The following NMRAL1 variants were observed in gnomAD, a reference collection of about 807,000 sequenced individuals.
NMRAL1 encodes the protein nmrA-like family domain-containing protein 1.
In NMRAL1, 32 loss-of-function variants were observed where a neutral mutation model predicts 27.5. That is an observed-to-expected ratio of 1.16 (90% confidence interval 0.88 to 1.56). The LOEUF is 1.56. Among genes scored for constraint, NMRAL1 ranks in the 40% most tolerant of loss-of-function variants. NMRAL1 has a pLI of 0.00. For synonymous variants in NMRAL1, 166 were observed against 166.8 expected (o/e 1.00, Z 0.04); for missense variants, 420 against 392.0 (o/e 1.07, Z -0.60).
rs151279129 is a variant in NMRAL1, at chr16:4,466,167, T to G, written c.515A>C (p.Lys172Thr). Residue 172 changes from lysine (K) to threonine (T), a missense_variant, in exon 4 of 6, where the codon AAG becomes ACG. Lys to Thr is a moderately conservative substitution (Grantham distance 78). Coordinates refer to ENST00000283429, the MANE Select transcript of NMRAL1 (RefSeq NM_020677.6). ...AGGGCACTTACTCAGCAAGTAGCTC[T>G]TTCCGTCTGGGGCTTTCTGGGGCAA... ...HFLPQKAPDG[K>T]SYLLSLPTGD... 1.2e-6 allele frequency: 2 copies of G among 1,614,188 alleles called. No individual in the cohort carries two copies. The highest frequency in any genetic ancestry group is 3.3e-5 in the Admixed American group (2 of 60,006).
chr16:4,462,730 TAGTC>T (rs1204227624), intron 5 of NMRAL1, among the ~76,000 whole-genome samples: 1 of 152,112 alleles, frequency 6.6e-6, no homozygotes, highest in Non-Finnish European at 1.5e-5. Context: ...TTCACCGTGT[TAGTC>T]AGGATGGTCT....
chr16:4,467,136 G>C (rs942650384), intron 3 of NMRAL1: 1 of 152,278 alleles, frequency 6.6e-6, no homozygotes, highest in Non-Finnish European at 1.5e-5. Context: ...GCCATGCGAA[G>C]AGGGAAGCGG....
At position 4,461,948 on chromosome 16, in the gene NMRAL1, C is replaced by G; in HGVS notation, c.732G>C (p.Glu244Asp). ...CGGGAAAGCCAAGCTTTTCGTAGTC[C>G]TCAGGAGTCATCTGGAAGCAGAGGA... is the stretch of plus-strand genomic sequence containing the variant. ...KVVHDAKMTP[E>D]DYEKLGFPGA... Residue 244 changes from glutamate (E) to aspartate (D), a missense_variant, in exon 6 of 6, where the codon GAG becomes GAC. Transcript: ENST00000283429. The G allele has an allele frequency of 6.2e-7, 1 of 1,612,082 alleles. No individual in the cohort carries two copies. The highest frequency in any genetic ancestry group is 8.5e-7 in the Non-Finnish European group (1 of 1,178,954).
At position 4,466,396 on chromosome 16, in the gene NMRAL1, G is replaced by C. The variant is rs762622993; in HGVS notation, c.286C>G (p.Leu96Val). The stretch of plus-strand genomic sequence containing the variant: ...AGGCGCCTGGCCAGATCAGCGAGCA[G>C]CTTCCCCTGGAGGGCAGGGAAGGAG... ...SQEQEVKQGK[L>V]LADLARRLGL... The change falls in exon 4 of 6, where the codon CTG (leucine) becomes GTG (valine). Residue 96 changes from leucine (L) to valine (V), a missense_variant. Leu to Val is a conservative substitution (Grantham distance 32, BLOSUM62 1). Transcript: ENST00000283429. 1 of 1,611,882 alleles carries C rather than the reference G, an allele frequency of 6.2e-7. No homozygotes were observed. The highest frequency in any genetic ancestry group is 1.3e-5 in the African/African-American group (1 of 74,900).
intron 2 of NMRAL1, among the ~76,000 whole-genome samples, chr16:4,472,455 G>A (rs185635470): frequency 0.014 from 2,055 of 151,932 alleles, 27 homozygotes; most frequent in Middle Eastern, 0.044. Context: ...AAATAAAAAA[G>A]TAAAGTTGGC....
intron 3 of NMRAL1, 25 bp downstream of exon 3, chr16:4,469,202 C>T (rs1230643738): frequency 6.4e-7 from 1 of 1,557,432 alleles, no homozygotes; most frequent in Admixed American, 1.7e-5. Flanking sequence ...GGCCGGGCCT[C>T]CCTGCAGCTC....
chr16:4,465,558 T>G lies in NMRAL1; in HGVS notation c.529+595A>C, dbSNP rs140964852. ...TCTCCTCGTCTTTGGTTTTTTTGTT[T>G]TGTTTTGTTTTGTTTTGTTTGTTTT... On this transcript the variant is annotated intron_variant, in intron 4 of 5. Transcript: ENST00000283429. Among the ~76,000 whole-genome samples the G allele has an allele frequency of 1.7e-4, 25 of 151,094 alleles. No individual in the cohort carries two copies. In the East Asian group the frequency reaches 4.6e-3, roughly 28 times the overall value.
rs776866806 is a variant in NMRAL1 at position 4,461,772 on chromosome 16, C to T, written c.*8G>A. 2.6e-5 allele frequency: 41 copies of T among 1,601,916 alleles called. No individual in the cohort carries two copies. Among genetic ancestry groups the T allele is most frequent in the Non-Finnish European group, 3.3e-5 (39 of 1,174,322 alleles). The stretch of plus-strand genomic sequence containing the variant: ...CCGATCCCCACAAGGGGCCGCGAGG[C>T]GGGCAGGTCACAGCAGGTTGAAGTC... On this transcript the variant is annotated 3_prime_UTR_variant, in exon 6 of 6. Coordinates refer to ENST00000283429, the MANE Select transcript of NMRAL1 (RefSeq NM_020677.6).
At chr16:4,468,070 C>T (rs1436614306) in intron 3 of NMRAL1, among the ~76,000 whole-genome samples, 2 of 150,890 alleles carry the variant, frequency 1.3e-5, no homozygotes, top group South Asian at 2.1e-4. Context: ...GAGGCCGAGG[C>T]AGGCGGATCG....
chr16:4,466,084 C>T (rs1333830378), intron 4 of NMRAL1, 69 bp downstream of exon 4: 43 of 1,581,478 alleles, frequency 2.7e-5, no homozygotes, highest in South Asian at 2.3e-4. Context: ...CAGCGGCCCG[C>T]GGTCTGTTAC....
At position 4,465,550 on chromosome 16, in the gene NMRAL1, TTTTTGTTTTG is replaced by T. The variant is rs540508724; in HGVS notation, c.529+593_529+602del. On this transcript the variant is annotated intron_variant, in intron 4 of 5. Coordinates refer to ENST00000283429, the MANE Select transcript of NMRAL1 (RefSeq NM_020677.6). ...CCAAATCCTCTCCTCGTCTTTGGTTTTTTTGTTTTGTTTTGTTTTGTTTTGTTTGTTTTGA... is the reference window on the plus strand; with the variant it reads ...CCAAATCCTCTCCTCGTCTTTGGTTTTTTTGTTTTGTTTTGTTTGTTTTGA... 3.8e-3 allele frequency among the ~76,000 whole-genome samples: 586 copies of T among 152,244 alleles called. 6 individuals carry two copies. The highest frequency in any genetic ancestry group is 0.013 in the African/African-American group (548 of 41,562).
chr16:4,470,643 C>G (rs1017432932), intron 2 of NMRAL1, among the ~76,000 whole-genome samples: 1 of 151,644 alleles, frequency 6.6e-6, no homozygotes, highest in Non-Finnish European at 1.5e-5. Context: ...GAAACCCCGT[C>G]TCTACTAAAA....
Position 4,463,740 on chromosome 16 carries a change from G to A in NMRAL1, c.640C>T (p.Leu214=), listed in dbSNP as rs767603591. The A allele has an allele frequency of 1.2e-6, 2 of 1,613,978 alleles. No homozygotes were observed. Among genetic ancestry groups the A allele is most frequent in the African/African-American group, 1.3e-5 (1 of 74,952 alleles). ...TCGGCCGTGTGCCTGCAAGTGCTCAGCCCGATGTTCTGGCCGACGTATTTT... is the reference window on the plus strand; with the variant it reads ...TCGGCCGTGTGCCTGCAAGTGCTCAACCCGATGTTCTGGCCGACGTATTTT... ...PEKYVGQNIG[L]STCRHTAEEY... The change falls in exon 5 of 6, where the codon CTG becomes TTG. Residue 214 remains leucine (L), a synonymous_variant. Transcript: ENST00000283429.
chr16:4,466,411 C>G lies in NMRAL1; in HGVS notation c.280-9G>C, dbSNP rs1034908186. On this transcript the variant is annotated splice_polypyrimidine_tract_variant and intron_variant, in intron 3 of 5. Transcript: ENST00000283429. ...TCAGCGAGCAGCTTCCCCTGGAGGG[C>G]AGGGAAGGAGAGATCACAAGGCTCA... 4 of 1,610,670 alleles carry G rather than the reference C, an allele frequency of 2.5e-6. No homozygotes were observed. The highest frequency in any genetic ancestry group is 3.4e-6 in the Non-Finnish European group (4 of 1,179,032).
chr16:4,476,313 A>G (rs1289378728), upstream of NMRAL1: 1 of 152,258 alleles, frequency 6.6e-6, no homozygotes, highest in Non-Finnish European at 1.5e-5. Context: ...GCCCCCGGCA[A>G]GGGCGTGTCA....
chr16:4,467,688 T>G (rs2057381334), intron 3 of NMRAL1, among the ~76,000 whole-genome samples: 1 of 149,734 alleles, frequency 6.7e-6, no homozygotes, highest in Non-Finnish European at 1.5e-5. Flanking sequence ...GGCACAATCT[T>G]GGCTCACTGC....
At chr16:4,469,159 C>G (rs778965628) in intron 3 of NMRAL1, 68 bp downstream of exon 3, 2 of 1,021,092 alleles carry the variant, frequency 2.0e-6, no homozygotes, top group Non-Finnish European at 1.5e-6. Context: ...CCTGCAGAGT[C>G]GGAGCTCCTC....
chr16:4,474,028 G>A (rs1049873055), intron 2 of NMRAL1, 65 bp downstream of exon 2: 22 of 1,336,776 alleles, frequency 1.6e-5, no homozygotes, highest in Non-Finnish European at 2.1e-5. Flanking sequence ...CAGACCCCAG[G>A]ACGGGCGGTC....
At chr16:4,464,772 A>G (rs2057252382) in intron 4 of NMRAL1, among the ~76,000 whole-genome samples, 1 of 148,204 alleles carries the variant, frequency 6.7e-6, no homozygotes, top group Non-Finnish European at 1.5e-5. Flanking sequence ...CTGCCGCCAC[A>G]CCCGGCTAAG....
Sources: gnomAD v4.1 joint callset for allele counts (sites outside exome capture counted in the v4.1 genomes callset) on GRCh38, gnomAD v4.1.1 for gene constraint, MANE v1.5 for transcripts, NCBI Gene and HGNC (gene_info 2026-07-23, HGNC 2026-07-21) for gene names.